The following NYAP2 variants were observed in gnomAD, a reference collection of about 807,000 sequenced individuals.
NYAP2 encodes the protein neuronal tyrosine-phosphorylated phosphoinositide-3-kinase adaptor 2, also known as neuronal tyrosine-phosphorylated phosphoinositide-3-kinase adapter 2.
In NYAP2, 23 loss-of-function variants were observed where a neutral mutation model predicts 50.4. The ratio of observed to expected loss-of-function variants is 0.46; its 90% CI spans 0.33 to 0.65. The LOEUF (loss-of-function observed/expected upper bound fraction) is 0.65, where lower values mean the gene tolerates loss of function less well. NYAP2 is among the 30% of genes least tolerant of loss of function. The probability of loss-of-function intolerance (pLI) is 0.02; values close to 1 mark genes in which losing one functional copy is unlikely to be tolerated. For missense variants in NYAP2, 885 were observed against 861.0 expected (o/e 1.03, Z -0.35); for synonymous variants, 394 against 365.2 (o/e 1.08, Z -0.90).
chr2:225,615,434 T>TA (rs747086475), intron 5 of NYAP2, among the ~76,000 whole-genome samples: 34 of 151,558 alleles, frequency 2.2e-4, no homozygotes, highest in Non-Finnish European at 3.5e-4. Context: ...TGTATTCTGA[T>TA]AAAAAAAAAG....
At chr2:225,484,161 G>T (rs1690251164) in intron 3 of NYAP2, among the ~76,000 whole-genome samples, 1 of 152,160 alleles carries the variant, frequency 6.6e-6, no homozygotes, top group Non-Finnish European at 1.5e-5. Flanking sequence ...AGTGGCATTT[G>T]GTGCTCACAT....
At chr2:225,430,107 CTCT>C (rs773264506) in intron 3 of NYAP2, among the ~76,000 whole-genome samples, 9 of 152,318 alleles carry the variant, frequency 5.9e-5, no homozygotes, top group South Asian at 4.1e-4. Flanking sequence ...TTCTCTTCCT[CTCT>C]TCTTCTTTGT....
intron 5 of NYAP2, among the ~76,000 whole-genome samples, chr2:225,601,379 A>T (rs911198506): frequency 2.0e-5 from 3 of 151,994 alleles, no homozygotes; most frequent in Non-Finnish European, 4.4e-5. Context: ...TGACCTCGTG[A>T]TCCATCCTCC....
chr2:225,420,864 G>A (rs1386636708), intron 3 of NYAP2, among the ~76,000 whole-genome samples: 1 of 152,042 alleles, frequency 6.6e-6, no homozygotes. Flanking sequence ...AATCAGAATG[G>A]CATGGATAAA....
chr2:225,511,226 C>G (rs1265296083), intron 3 of NYAP2, among the ~76,000 whole-genome samples: 1 of 151,900 alleles, frequency 6.6e-6, no homozygotes, highest in African/African-American at 2.4e-5. Flanking sequence ...CCAAGACTGC[C>G]CCTCACGTCC....
chr2:225,494,885 A>G (rs1283249129), intron 3 of NYAP2, among the ~76,000 whole-genome samples: 1 of 152,178 alleles, frequency 6.6e-6, no homozygotes, highest in Non-Finnish European at 1.5e-5. Flanking sequence ...AAGAATGTTC[A>G]ATATAAGATA....
chr2:225,590,509 G>A (rs1004640880), intron 5 of NYAP2, among the ~76,000 whole-genome samples: 12 of 152,342 alleles, frequency 7.9e-5, no homozygotes, highest in Admixed American at 7.8e-4. Flanking sequence ...GGCCTGGGAT[G>A]TTGACTGTTT....
chr2:225,693,731 C>A, the NYAP2 span, among the ~76,000 whole-genome samples: 1 of 152,020 alleles, frequency 6.6e-6, no homozygotes, highest in African/African-American at 2.4e-5. Context: ...ACCTCCCAAT[C>A]ACCTTGAGGA....
chr2:225,492,419 TA>T (rs1383389244), intron 3 of NYAP2, among the ~76,000 whole-genome samples: 1 of 152,202 alleles, frequency 6.6e-6, no homozygotes, highest in Non-Finnish European at 1.5e-5. Context: ...GCTGGTTAGT[TA>T]AACTCCTTGC....
rs182496942 is a variant in NYAP2, at chr2:225,523,988, T to A, written c.523+10316T>A. On this transcript the variant is annotated intron_variant, in intron 4 of 6. Coordinates refer to ENST00000636099, the Ensembl canonical transcript of NYAP2. The stretch of plus-strand genomic sequence containing the variant: ...ACTCTATTTAATGCTTCTGGGAAAA[T>A]TGGATAGCCATATGCAAAAGAATGA... Among the ~76,000 whole-genome samples, 5 of 152,158 alleles carry A rather than the reference T, an allele frequency of 3.3e-5. No homozygotes were observed. In the East Asian group the frequency reaches 9.7e-4, roughly 29 times the overall value.
At chr2:225,651,321 AT>A in intron 6 of NYAP2, 110 bp from the exon 7 acceptor site, 1 of 1,400,160 alleles carries the variant, frequency 7.1e-7, no homozygotes, top group Non-Finnish European at 1.0e-6. Context: ...CATCAGGAGC[AT>A]TTTGTATATT....
the NYAP2 span, among the ~76,000 whole-genome samples, chr2:225,659,509 T>C: frequency 2.6e-5 from 4 of 152,264 alleles, no homozygotes; most frequent in South Asian, 8.3e-4. Flanking sequence ...GTGAGTAAGG[T>C]TACATAGCTT....
chr2:225,484,514 A>G (rs575485110), intron 3 of NYAP2, among the ~76,000 whole-genome samples: 74 of 152,340 alleles, frequency 4.9e-4, no homozygotes, highest in African/African-American at 1.7e-3. Flanking sequence ...TTGATTACAG[A>G]TGAGGGGCTG....
chr2:225,605,074 A>G (rs564476073), intron 5 of NYAP2, among the ~76,000 whole-genome samples: 3 of 152,242 alleles, frequency 2.0e-5, no homozygotes, highest in Middle Eastern at 3.4e-3. Context: ...TGTTTGCTTC[A>G]GAAACATTCA....
the NYAP2 span, chr2:225,698,909 TTTTA>T: frequency 6.6e-6 from 1 of 151,988 alleles, no homozygotes; most frequent in Non-Finnish European, 1.5e-5. Context: ...CCTTGATGCC[TTTTA>T]TTATTAATTT....
intron 6 of NYAP2, among the ~76,000 whole-genome samples, chr2:225,650,495 A>T (rs1386310564): frequency 6.6e-6 from 1 of 152,158 alleles, no homozygotes; most frequent in African/African-American, 2.4e-5. Context: ...TTAGGCAAAG[A>T]CTGGATGTGG....
At chr2:225,665,738 G>C in the NYAP2 span, among the ~76,000 whole-genome samples, 1 of 145,014 alleles carries the variant, frequency 6.9e-6, no homozygotes, top group African/African-American at 2.5e-5. Context: ...GAACCTGGGA[G>C]GCAGAGGTTG....
At chr2:225,612,796 G>GTACATCACACCCAATGTGTGTGAT (rs375735594) in intron 5 of NYAP2, among the ~76,000 whole-genome samples, 2 of 124,390 alleles carry the variant, frequency 1.6e-5, no homozygotes, top group Non-Finnish European at 3.5e-5. Context: ...CCCCACCTTT[G>GTACATCACACCCAATGTGTGTGAT]GACATCACAC....
chr2:225,559,370 A>G (rs1184631649), intron 4 of NYAP2, among the ~76,000 whole-genome samples: 8 of 151,324 alleles, frequency 5.3e-5, no homozygotes, highest in Non-Finnish European at 8.8e-5. Context: ...AAAATGTGCT[A>G]TGTCTGGGGA....
Sources: allele counts gnomAD v4.1 joint callset (sites outside exome capture counted in the v4.1 genomes callset), GRCh38; gene constraint gnomAD v4.1.1; transcripts MANE v1.5; gene names NCBI Gene and HGNC (gene_info 2026-07-23, HGNC 2026-07-21).